GLI3: variants seen among roughly 807,000 people sequenced by gnomAD.
GLI3 encodes the protein transcription activator GLI3.
A neutral mutation model predicts 100.8 loss-of-function variants in GLI3; 20 were observed. The observed-to-expected ratio is 0.20, with a 90% confidence interval of 0.14 to 0.29. GLI3 has a LOEUF of 0.29. Among genes scored for constraint, GLI3 ranks in the 10% least tolerant of loss-of-function variants. The pLI, the probability that GLI3 is intolerant of heterozygous loss-of-function variation, is 1.00. For missense variants in GLI3, 2,040 were observed against 2,128.5 expected (o/e 0.96, Z 0.82); for synonymous variants, 938 against 860.5 (o/e 1.09, Z -1.58).
At chr7:42,043,102 A>C (rs1784177036) in intron 6 of GLI3, among the ~76,000 whole-genome samples, 3 of 152,180 alleles carry the variant, frequency 2.0e-5, no homozygotes, top group African/African-American at 7.2e-5. Context: ...AGGGATGAAG[A>C]GTGACCAGAT....
At chr7:42,234,978 A>G (rs2128706820) in intron 1 of GLI3, among the ~76,000 whole-genome samples, 1 of 152,338 alleles carries the variant, frequency 6.6e-6, no homozygotes. Context: ...TAAGACCAAT[A>G]TTTCCTAACA....
chr7:42,220,718 G>C (rs1052491174), intron 2 of GLI3, among the ~76,000 whole-genome samples: 1 of 152,192 alleles, frequency 6.6e-6, no homozygotes, highest in Non-Finnish European at 1.5e-5. Flanking sequence ...AGGGTTTATT[G>C]TCCTTTCTTT....
At chr7:41,977,810 A>C (rs1246357993) in intron 11 of GLI3, 88 bp from the exon 12 acceptor site, 8 of 1,209,988 alleles carry the variant, frequency 6.6e-6, no homozygotes. Flanking sequence ...TGAAAAACTG[A>C]TGTTTCAAGG....
At chr7:42,079,374 A>G (rs1476410944) in intron 3 of GLI3, among the ~76,000 whole-genome samples, 1 of 152,234 alleles carries the variant, frequency 6.6e-6, no homozygotes, top group Non-Finnish European at 1.5e-5. Flanking sequence ...AGCCTGACAT[A>G]TACTAGTTTA....
chr7:42,192,875 G>T (rs943679901), intron 2 of GLI3, among the ~76,000 whole-genome samples: 4 of 152,246 alleles, frequency 2.6e-5, no homozygotes, highest in African/African-American at 9.6e-5. Flanking sequence ...CTAGCATCTT[G>T]TCCTCTAATT....
chr7:41,988,309 A>G (rs2128716796), intron 10 of GLI3, among the ~76,000 whole-genome samples: 1 of 152,132 alleles, frequency 6.6e-6, no homozygotes, highest in East Asian at 1.9e-4. Flanking sequence ...TAAAAATGCA[A>G]AAAATTAGCT....
At chr7:42,211,657 C>A (rs967362210) in intron 2 of GLI3, among the ~76,000 whole-genome samples, 8 of 152,282 alleles carry the variant, frequency 5.3e-5, no homozygotes, top group African/African-American at 1.9e-4. Context: ...TTTTTCTTAT[C>A]ATTGCCACTA....
intron 2 of GLI3, among the ~76,000 whole-genome samples, chr7:42,166,693 T>C (rs1311896703): frequency 1.5e-5 from 2 of 133,364 alleles, no homozygotes; most frequent in Non-Finnish European, 3.1e-5. Context: ...AGGGTCTCAC[T>C]CTGTCTCCCA....
chr7:41,967,184 G>A (rs1254654854), intron 14 of GLI3, among the ~76,000 whole-genome samples: 1 of 152,210 alleles, frequency 6.6e-6, no homozygotes, highest in African/African-American at 2.4e-5. Context: ...AGTGCAAACT[G>A]ACCTGGGGAC....
intron 10 of GLI3, among the ~76,000 whole-genome samples, chr7:41,983,801 G>A (rs2299148): frequency 0.32 from 49,147 of 152,038 alleles, 9,131 homozygotes; most frequent in East Asian, 0.81. Flanking sequence ...GCCAAGTCCC[G>A]ACACTGAGCT....
chr7:42,139,650 G>T (rs1364629240), intron 3 of GLI3, among the ~76,000 whole-genome samples: 1 of 152,176 alleles, frequency 6.6e-6, no homozygotes, highest in East Asian at 1.9e-4. Context: ...TTGCACTCCA[G>T]CCTGGGCAAC....
intron 1 of GLI3, among the ~76,000 whole-genome samples, chr7:42,236,255 T>G (rs994716874): frequency 6.6e-6 from 1 of 152,222 alleles, no homozygotes; most frequent in Non-Finnish European, 1.5e-5. Context: ...AACTGTCCCC[T>G]GCTGCTCTGT....
At chr7:42,092,532 C>T (rs1785245725) in intron 3 of GLI3, among the ~76,000 whole-genome samples, 1 of 152,138 alleles carries the variant, frequency 6.6e-6, no homozygotes, top group Non-Finnish European at 1.5e-5. Context: ...TGACCATGAG[C>T]AGGTTAAAGT....
At position 41,966,072 on chromosome 7, in the gene GLI3, C is replaced by G. The variant is rs202182779; in HGVS notation, c.3001G>C (p.Gly1001Arg). The G allele has an allele frequency of 1.9e-6, 3 of 1,572,004 alleles. No individual in the cohort carries two copies. The highest frequency in any genetic ancestry group is 1.7e-4 in the Middle Eastern group (1 of 5,874). The change falls in exon 15 of 15, where the codon GGC becomes CGC. Residue 1001 changes from glycine to arginine, a missense_variant. This residue lies in a region of GLI3 where 1,041 missense variants were observed against 924.0 expected (regional missense o/e 1.13). Coordinates refer to ENST00000395925, the MANE Select transcript of GLI3 (RefSeq NM_000168.6). The surrounding 1 kb of genome is among the most constrained non-coding windows in gnomAD (Gnocchi z 5.8). ...HLQPHDAPGHGVRRASDPVRT... is the reference protein window; with the variant it reads ...HLQPHDAPGHRVRRASDPVRT... ...ACCGGGTCGCTGGCCCTCCTCACGC[C>G]GTGGCCCGGCGCATCGTGCGGCTGC...
chr7:41,964,894 C>T lies in GLI3; in HGVS notation c.4179G>A (p.Arg1393=). ...YQPCASFGGS[R]RQAMPRDSLA... is the part of the protein sequence containing the mutation. Reference sequence around the variant, plus strand: ...GGCTGTCCCTCGGCATAGCCTGGCGCCTGCTGCCCCCAAAGCTGGCACATG... The same window carrying T: ...GGCTGTCCCTCGGCATAGCCTGGCGTCTGCTGCCCCCAAAGCTGGCACATG... Residue 1393 remains arginine, a synonymous_variant, in exon 15 of 15, where the codon AGG becomes AGA. Transcript: ENST00000395925. The T allele has an allele frequency of 1.2e-6, 2 of 1,613,828 alleles. No homozygotes were observed. The highest frequency in any genetic ancestry group is 8.5e-7 in the Non-Finnish European group (1 of 1,180,034).
At chr7:42,206,892 G>C (rs988649034) in intron 2 of GLI3, among the ~76,000 whole-genome samples, 2 of 152,020 alleles carry the variant, frequency 1.3e-5, no homozygotes, top group Admixed American at 1.3e-4. Flanking sequence ...TTTTAAAAAA[G>C]AGACTTCAAC....
At chr7:42,093,807 T>A (rs1458051538) in intron 3 of GLI3, among the ~76,000 whole-genome samples, 2 of 151,994 alleles carry the variant, frequency 1.3e-5, no homozygotes, top group Non-Finnish European at 2.9e-5. Context: ...TATGGGAGCT[T>A]TCAGAAAAAT....
chr7:42,158,036 A>C (rs991711457), intron 2 of GLI3, among the ~76,000 whole-genome samples: 4 of 152,218 alleles, frequency 2.6e-5, no homozygotes, highest in African/African-American at 9.7e-5. Context: ...ATATCATTTT[A>C]ATTATCTCCT....
At chr7:41,993,954 T>G (rs553231500) in intron 10 of GLI3, among the ~76,000 whole-genome samples, 2 of 152,304 alleles carry the variant, frequency 1.3e-5, no homozygotes, top group African/African-American at 4.8e-5. Flanking sequence ...TAATTCAGAG[T>G]TATCTTAGTT....
Sources: allele counts gnomAD v4.1 joint callset (sites outside exome capture counted in the v4.1 genomes callset), GRCh38; gene constraint gnomAD v4.1.1; regional missense constraint gnomAD v4.1.1; non-coding constraint Gnocchi (gnomAD v3.1); transcripts MANE v1.5; gene names NCBI Gene and HGNC (gene_info 2026-07-23, HGNC 2026-07-21).